Variants in LINS1 observed in about 807,000 individuals in gnomAD.
LINS1 encodes lines homolog 1.
In LINS1, 27 loss-of-function variants were observed where a neutral mutation model predicts 41.6. The observed-to-expected ratio is 0.65, with a 90% CI of 0.48 to 0.89. The LOEUF (loss-of-function observed/expected upper bound fraction) is 0.89, where lower values mean the gene tolerates loss of function less well. LINS1 is among the 40% of genes least tolerant of loss of function. LINS1 has a pLI of 0.00. For synonymous variants in LINS1, 336 were observed against 312.9 expected, an observed-to-expected ratio of 1.07 and a Z score of -0.78; for missense variants, 955 against 884.1, an observed-to-expected ratio of 1.08 and a Z score of -1.02.
intron 1 of LINS1, among the ~76,000 whole-genome samples, chr15:100,591,238 G>A (rs544183766): frequency 1.3e-5 from 2 of 152,318 alleles, no homozygotes; most frequent in East Asian, 3.9e-4. Context: ...TTCTCTCAAA[G>A]GTTTTAAATG....
At position 100,569,758 on chromosome 15, in the gene LINS1, T is replaced by A. The variant is rs769092319; in HGVS notation, c.1754A>T (p.Asp585Val). 6.2e-7 allele frequency: 1 copy of A among 1,613,838 alleles called. No individual in the cohort carries two copies. ...AGCCCAGGAGTGCCGAGCACACACA[T>A]CTCTGTGACTATGAGGAGCAGTCAA... Reference protein sequence around the residue: ...HRLTAPHSHRDVCARHSWASD... With the variant: ...HRLTAPHSHRVVCARHSWASD... Residue 585 changes from aspartate to valine, a missense_variant, in exon 7 of 7, where the codon GAT becomes GTT. Asp to Val is a radical substitution (Grantham distance 152). Coordinates refer to ENST00000314742, the MANE Select transcript of LINS1 (RefSeq NM_001040616.3).
intron 1 of LINS1, among the ~76,000 whole-genome samples, chr15:100,595,824 C>G (rs1242171698): frequency 1.3e-5 from 2 of 152,210 alleles, no homozygotes. Flanking sequence ...CTATTTTGCT[C>G]CATTAATGAA....
chr15:100,585,390 A>G, intron 1 of LINS1, among the ~76,000 whole-genome samples: 1 of 152,076 alleles, frequency 6.6e-6, no homozygotes, highest in East Asian at 1.9e-4. Flanking sequence ...GGAAAGTGGG[A>G]TGGTGTTGCA....
intron 1 of LINS1, among the ~76,000 whole-genome samples, chr15:100,595,472 A>T (rs1244222493): frequency 1.3e-5 from 2 of 152,198 alleles, no homozygotes; most frequent in African/African-American, 2.4e-5. Flanking sequence ...AATTAACACT[A>T]CAGTGAACTA....
chr15:100,579,188 T>TA (rs1159762360), intron 3 of LINS1, among the ~76,000 whole-genome samples: 3 of 144,178 alleles, frequency 2.1e-5, no homozygotes, highest in Admixed American at 2.1e-4. Flanking sequence ...AATATATATA[T>TA]AAAAAAATAA....
At chr15:100,591,831 G>A (rs1444479064) in intron 1 of LINS1, among the ~76,000 whole-genome samples, 1 of 152,142 alleles carries the variant, frequency 6.6e-6, no homozygotes, top group Non-Finnish European at 1.5e-5. Context: ...CCAATAGGTA[G>A]GGACTGTGCC....
chr15:100,598,173 C>T (rs573375309), intron 1 of LINS1, among the ~76,000 whole-genome samples: 1 of 152,272 alleles, frequency 6.6e-6, no homozygotes, highest in South Asian at 2.1e-4. Context: ...ACGATTTGTG[C>T]AATGATTTTT....
chr15:100,578,719 T>C (rs1378250231), intron 3 of LINS1, among the ~76,000 whole-genome samples: 5 of 152,200 alleles, frequency 3.3e-5, no homozygotes, highest in African/African-American at 1.2e-4. Context: ...TAAAGACACA[T>C]GCACACATAT....
chr15:100,575,113 A>C lies in LINS1; in HGVS notation c.505T>G (p.Ser169Ala). The change falls in exon 4 of 7, where the codon TCC becomes GCC. Residue 169 changes from serine to alanine, a missense_variant. By Grantham distance (99) the Ser-to-Ala change is moderately conservative. Transcript: ENST00000314742. ...QLREKITLSN[S>A]WIAFCQKNLS... ...TTTTTCTGGCAAAAAGCAATCCAGGAATTACTTAAGGTTATCTACAAGTGA... is the reference window on the plus strand; with the variant it reads ...TTTTTCTGGCAAAAAGCAATCCAGGCATTACTTAAGGTTATCTACAAGTGA... 6.2e-7 allele frequency: 1 copy of C among 1,612,044 alleles called. No individual in the cohort carries two copies. Among genetic ancestry groups the C allele is most frequent in the Non-Finnish European group, 8.5e-7 (1 of 1,179,334 alleles).
rs894983547 is a variant in LINS1 at position 100,598,719 on chromosome 15, G to A, written c.-104+3402C>T. Among the ~76,000 whole-genome samples the A allele has an allele frequency of 5.3e-5, 8 of 152,188 alleles. No homozygotes were observed. In the East Asian group the frequency reaches 1.5e-3, roughly 29 times the overall value. The stretch of plus-strand genomic sequence containing the variant: ...CCAGCCCCATCGCCTTTTCTGCCAG[G>A]TACAGCTGAACTAAGTTGGGCTAAC... On this transcript the variant is annotated intron_variant, in intron 1 of 6. Transcript: ENST00000314742.
rs1012107698 is a variant in LINS1 at position 100,580,498 on chromosome 15, C to T, written c.345G>A (p.Gln115=). 1.2e-6 allele frequency: 2 copies of T among 1,613,878 alleles called. No homozygotes were observed. The highest frequency in any genetic ancestry group is 1.3e-5 in the African/African-American group (1 of 74,910). ...SVKTEFHAKE[Q]YRDVIKILLE... ...AGAGAATTTTAATTACATCTCTGTA[C>T]TGCTCCTTTGCATGGAACTCGGTTT... is the stretch of plus-strand genomic sequence containing the variant. The change falls in exon 2 of 7, where the codon CAG becomes CAA. Residue 115 remains glutamine (Q), a synonymous_variant. Coordinates refer to ENST00000314742, the MANE Select transcript of LINS1 (RefSeq NM_001040616.3).
At chr15:100,590,200 T>C (rs2038971296) in intron 1 of LINS1, among the ~76,000 whole-genome samples, 2 of 152,190 alleles carry the variant, frequency 1.3e-5, no homozygotes, top group Admixed American at 6.5e-5. Flanking sequence ...GAGTCTTATC[T>C]TTGAATATTT....
chr15:100,585,879 CATTT>C (rs2038781446), intron 1 of LINS1, among the ~76,000 whole-genome samples: 1 of 152,202 alleles, frequency 6.6e-6, no homozygotes, highest in Admixed American at 6.5e-5. Flanking sequence ...CGTCAGCATA[CATTT>C]TTTGTCTGGT....
intron 3 of LINS1, among the ~76,000 whole-genome samples, chr15:100,576,367 C>T (rs1358339790): frequency 6.6e-6 from 1 of 152,176 alleles, no homozygotes; most frequent in Admixed American, 6.5e-5. Context: ...CATAGAAATA[C>T]AAACTACCAT....
intron 1 of LINS1, among the ~76,000 whole-genome samples, chr15:100,584,982 C>T (rs1391054875): frequency 6.6e-6 from 1 of 152,152 alleles, no homozygotes; most frequent in Non-Finnish European, 1.5e-5. Flanking sequence ...CAAAAGAAGC[C>T]CACCCAGGCT....
At chr15:100,574,896 AG>A (rs2038068711) in intron 4 of LINS1, 90 bp downstream of exon 4, 1 of 1,277,520 alleles carries the variant, frequency 7.8e-7, no homozygotes, top group Non-Finnish European at 1.1e-6. Context: ...AAGACAGATC[AG>A]ATGTTCCAAA....
At position 100,569,650 on chromosome 15, in the gene LINS1, C is replaced by A. The variant is rs774325689; in HGVS notation, c.1862G>T (p.Arg621Leu). The change falls in exon 7 of 7, where the codon CGG becomes CTG. Residue 621 changes from arginine (R) to leucine (L), a missense_variant. Coordinates refer to ENST00000314742, the MANE Select transcript of LINS1 (RefSeq NM_001040616.3). Reference sequence around the variant, plus strand: ...GTAATCTACCAGACTTTGAGAGGCCCGGGGGGAAGACAGACTAGAAGCACA... The same window carrying A: ...GTAATCTACCAGACTTTGAGAGGCCAGGGGGGAAGACAGACTAGAAGCACA... ...TMCASSLSSP[R>L]ASQSLVDYDS... The A allele has an allele frequency of 6.2e-7, 1 of 1,612,918 alleles. No individual in the cohort carries two copies. Among genetic ancestry groups the A allele is most frequent in the Non-Finnish European group, 8.5e-7 (1 of 1,179,194 alleles).
chr15:100,591,523 G>GACCAA (rs1402247065), intron 1 of LINS1, among the ~76,000 whole-genome samples: 3 of 152,138 alleles, frequency 2.0e-5, no homozygotes, highest in East Asian at 1.9e-4. Context: ...GGCCCCAACA[G>GACCAA]ACCAAACCAA....
chr15:100,596,825 C>G (rs1030551846), intron 1 of LINS1: 2 of 152,242 alleles, frequency 1.3e-5, no homozygotes, highest in Non-Finnish European at 2.9e-5. Flanking sequence ...TGGCCAAAAA[C>G]TTGACTGAAT....
Sources: allele counts gnomAD v4.1 joint callset (sites outside exome capture counted in the v4.1 genomes callset), GRCh38; gene constraint gnomAD v4.1.1; transcripts MANE v1.5; gene names NCBI Gene and HGNC (gene_info 2026-07-23, HGNC 2026-07-21).